Variants in MIGA2 observed in about 807,000 individuals in gnomAD.
MIGA2 encodes the protein family with sequence similarity 73, member B.
In MIGA2, 36 loss-of-function variants were observed where a neutral mutation model predicts 69.9. That is an observed-to-expected ratio of 0.52 (90% CI 0.39 to 0.68). The LOEUF (loss-of-function observed/expected upper bound fraction) is 0.68, where lower values mean the gene tolerates loss of function less well. Among genes scored for constraint, MIGA2 ranks in the 30% least tolerant of loss-of-function variants. MIGA2 has a pLI of 0.00. For synonymous variants in MIGA2, 333 were observed against 349.2 expected, an observed-to-expected ratio of 0.95 and a Z score of 0.52; for missense variants, 660 against 787.7, an observed-to-expected ratio of 0.84 and a Z score of 1.94.
At chr9:129,068,000 G>A (rs1004219906) in intron 12 of MIGA2, 129 bp downstream of exon 12, 11 of 1,279,474 alleles carry the variant, frequency 8.6e-6, no homozygotes, top group East Asian at 2.5e-5. Flanking sequence ...CATAGTCCCC[G>A]GTTCCTGCCC....
In MIGA2 at chr9:129,056,298, C is replaced by T. The variant is rs147832989; in HGVS notation, c.676-2856C>T. Among the ~76,000 whole-genome samples the T allele has an allele frequency of 1.2e-3, 187 of 150,336 alleles. 4 individuals are homozygous for T. The East Asian group carries it at 0.022, about 17-fold the overall frequency. ...CTCTAGAGCCACAGACACCTGTATT[C>T]AGTTTGTGGCACCACTAGTTCTACA... On this transcript the variant is annotated intron_variant, in intron 6 of 15. Transcript: ENST00000684074.
chr9:129,037,041 T>C, intron 1 of MIGA2: 3 of 1,001,086 alleles, frequency 3.0e-6, no homozygotes, highest in Non-Finnish European at 3.6e-6. Context: ...TATTCCGGGG[T>C]GGGGGCAAGA....
At chr9:129,053,280 C>G (rs1210887267) in intron 6 of MIGA2, among the ~76,000 whole-genome samples, 1 of 152,142 alleles carries the variant, frequency 6.6e-6, no homozygotes, top group African/African-American at 2.4e-5. Context: ...TACAACCTTA[C>G]AATCCTACAA....
chr9:129,049,469 A>G lies in MIGA2; in HGVS notation c.509A>G (p.Asp170Gly). The change falls in exon 5 of 16, where the codon GAC (aspartate) becomes GGC (glycine). Residue 170 changes from aspartate to glycine, a missense_variant. By Grantham distance (94) the Asp-to-Gly change is moderately conservative. Transcript: ENST00000684074. Reference sequence around the variant, plus strand: ...ATGGAGGAGTCTCTGACCACCAGCGACGGCAATGCAGAGAGCCTGTACATG... The same window carrying G: ...ATGGAGGAGTCTCTGACCACCAGCGGCGGCAATGCAGAGAGCCTGTACATG... ...RGMEESLTTS[D>G]GNAESLYMQG... The G allele has an allele frequency of 6.2e-7, 1 of 1,613,600 alleles. No homozygotes were observed. The highest frequency in any genetic ancestry group is 2.2e-5 in the East Asian group (1 of 44,874).
rs1352521422 is a variant in MIGA2 at position 129,042,341 on chromosome 9, G to A, written c.134G>A (p.Arg45Gln). ...FSQLRLTPGL[R>Q]KVLFATALGT... The stretch of plus-strand genomic sequence containing the variant: ...CAGCTACGGTTGACGCCAGGCCTGC[G>A]GAAAGTCCTCTTTGCCACGGCCCTG... Residue 45 changes from arginine to glutamine, a missense_variant, in exon 3 of 16, where the codon CGG (arginine) becomes CAG (glutamine). Transcript: ENST00000684074. 6 of 1,612,890 alleles carry A rather than the reference G, an allele frequency of 3.7e-6. No homozygotes were observed. The highest frequency in any genetic ancestry group is 5.1e-6 in the Non-Finnish European group (6 of 1,180,030).
In MIGA2 at chr9:129,068,466, T is replaced by A; in HGVS notation, c.1404+134T>A. On this transcript the variant is annotated intron_variant, in intron 13 of 15. Transcript: ENST00000684074. The surrounding 1 kb of genome is among the most constrained non-coding windows in gnomAD (Gnocchi z 4.1). Reference sequence around the variant, plus strand: ...CCCCTAGATCCGCGGCTGCCAGGCCTGGGAGACCAGAGTCTGCCCTGGAGA... The same window carrying A: ...CCCCTAGATCCGCGGCTGCCAGGCCAGGGAGACCAGAGTCTGCCCTGGAGA... 1 of 1,290,646 alleles carries A rather than the reference T, an allele frequency of 7.7e-7. No homozygotes were observed. Among genetic ancestry groups the A allele is most frequent in the East Asian group, 2.5e-5 (1 of 39,386 alleles). 79.9% of individuals were successfully genotyped at this position (1,290,646 alleles called of 1,614,324 possible).
chr9:129,069,658 G>T lies in MIGA2; in HGVS notation c.1459-191G>T. On this transcript the variant is annotated intron_variant, in intron 14 of 15. Coordinates refer to ENST00000684074, the MANE Select transcript of MIGA2 (RefSeq NM_001329990.2). The surrounding 1 kb of genome is among the most constrained non-coding windows in gnomAD (Gnocchi z 4.9). Reference sequence around the variant, plus strand: ...CCCCACCTCTTGCAGTACTCACAGCGGCCCATGGTTACCCTGTCTGCAGAA... The same window carrying T: ...CCCCACCTCTTGCAGTACTCACAGCTGCCCATGGTTACCCTGTCTGCAGAA... The T allele has an allele frequency of 1.6e-6, 1 of 617,500 alleles. No homozygotes were observed. Among genetic ancestry groups the T allele is most frequent in the South Asian group, 1.8e-5 (1 of 55,098 alleles). The allele number at this position is 617,500 out of a possible 1,614,324, so 38.3% of individuals were successfully genotyped here.
rs1846079019 is a variant in MIGA2 at position 129,061,772 on chromosome 9, CAG to C, written c.1010+427_1010+428del. Among the ~76,000 whole-genome samples, 1 of 152,172 alleles carries C rather than the reference CAG, an allele frequency of 6.6e-6. No individual in the cohort carries two copies. Among genetic ancestry groups the C allele is most frequent in the African/African-American group, 2.4e-5 (1 of 41,446 alleles). On this transcript the variant is annotated intron_variant, in intron 9 of 15. Transcript: ENST00000684074. The surrounding 1 kb of genome is among the most constrained non-coding windows in gnomAD (Gnocchi z 5.0). ...CTCAGCGGGTACAGCCACAGCCACA[CAG>C]GGGGCACTGGTCCTAAGCGCAGTGT...
Position 129,060,612 on chromosome 9 carries a change from AG to A in MIGA2, c.857del (p.Ser286ThrfsTer2). ...GCGGCTGCGGGCGGACGATGAGGACAGCCTGACTTCAGAGGATTCCTTCTTC... is the reference window on the plus strand; with the variant it reads ...GCGGCTGCGGGCGGACGATGAGGACACCTGACTTCAGAGGATTCCTTCTTC... Reference protein sequence around the residue: ...SLRLRADDEDSLTSEDSFFSA... With the variant: ...SLRLRADDEDXLTSEDSFFSA... On this transcript the variant is annotated frameshift_variant, in exon 8 of 16. Transcript: ENST00000684074. LOFTEE classifies it high-confidence loss of function. The surrounding 1 kb of genome is among the most constrained non-coding windows in gnomAD (Gnocchi z 4.8). 1 of 1,605,134 alleles carries A rather than the reference AG, an allele frequency of 6.2e-7. No individual in the cohort carries two copies. The highest frequency in any genetic ancestry group is 8.5e-7 in the Non-Finnish European group (1 of 1,176,002).
intron 6 of MIGA2, among the ~76,000 whole-genome samples, chr9:129,057,517 T>C (rs372813966): frequency 5.1e-4 from 77 of 152,052 alleles, no homozygotes; most frequent in African/African-American, 1.7e-3. Context: ...GGTCTCGATC[T>C]CCTGACCTCG....
Position 129,058,441 on chromosome 9 carries a change from A to G in MIGA2, c.676-713A>G, listed in dbSNP as rs969203221. On this transcript the variant is annotated intron_variant, in intron 6 of 15. Coordinates refer to ENST00000684074, the MANE Select transcript of MIGA2 (RefSeq NM_001329990.2). ...AAAAAGTTTTTTATGTAGATTTTCAACTATGTGGGCACAGGGGTGAGTCAG... is the reference window on the plus strand; with the variant it reads ...AAAAAGTTTTTTATGTAGATTTTCAGCTATGTGGGCACAGGGGTGAGTCAG... Among the ~76,000 whole-genome samples, 5 of 150,880 alleles carry G rather than the reference A, an allele frequency of 3.3e-5. No individual in the cohort carries two copies. In the South Asian group the frequency reaches 8.3e-4, roughly 25 times the overall value.
chr9:129,049,239 C>A, intron 4 of MIGA2, 142 bp from the exon 5 acceptor site: 1 of 738,868 alleles, frequency 1.4e-6, no homozygotes, highest in Non-Finnish European at 2.3e-6. Context: ...AGGGTGTGGA[C>A]GCTGTGGCTA....
chr9:129,042,238 G>A, intron 2 of MIGA2, 66 bp from the exon 3 acceptor site: 1 of 1,532,558 alleles, frequency 6.5e-7, no homozygotes, highest in Non-Finnish European at 9.0e-7. Flanking sequence ...GGTGCTCTGG[G>A]GCGGTCCTGC....
chr9:129,060,409 A>C lies in MIGA2; in HGVS notation c.794-141A>C. The C allele has an allele frequency of 4.0e-5, 27 of 674,480 alleles. No homozygotes were observed. The highest frequency in any genetic ancestry group is 8.6e-5 in the East Asian group (3 of 35,044). 41.8% of individuals were successfully genotyped at this position (674,480 alleles called of 1,614,324 possible). On this transcript the variant is annotated intron_variant, in intron 7 of 15. Transcript: ENST00000684074. This position sits in a 1 kb window ranked among gnomAD's most constrained non-coding sequence, Gnocchi z 4.8. ...CTCACACAGAAGCGCTTGGCACGTC[A>C]GAGCTTTGCCATTGAGTGTGGGAAT...
intron 6 of MIGA2, among the ~76,000 whole-genome samples, chr9:129,056,621 C>T (rs893002252): frequency 1.4e-4 from 22 of 151,856 alleles, no homozygotes; most frequent in Admixed American, 1.4e-3. Flanking sequence ...TGGGTTCAAG[C>T]GATTCTCCTG....
Position 129,069,989 on chromosome 9 carries a change from C to T in MIGA2, c.1575+24C>T. 1 of 1,547,208 alleles carries T rather than the reference C, an allele frequency of 6.5e-7. No homozygotes were observed. The highest frequency in any genetic ancestry group is 8.8e-7 in the Non-Finnish European group (1 of 1,136,840). On this transcript the variant is annotated intron_variant, in intron 15 of 15. Transcript: ENST00000684074. The surrounding 1 kb of genome is among the most constrained non-coding windows in gnomAD (Gnocchi z 4.9). Reference sequence around the variant, plus strand: ...AGGTAAACAGAGAGCAGTTCTCGTTCTTTCCTGACCCTTGCCCTGAGCACA... The same window carrying T: ...AGGTAAACAGAGAGCAGTTCTCGTTTTTTCCTGACCCTTGCCCTGAGCACA...
At position 129,061,403 on chromosome 9, in the gene MIGA2, C is replaced by T. The variant is rs1308573479; in HGVS notation, c.1010+57C>T. 7 of 1,490,894 alleles carry T rather than the reference C, an allele frequency of 4.7e-6. No homozygotes were observed. The highest frequency in any genetic ancestry group is 5.5e-6 in the Non-Finnish European group (6 of 1,092,938). The allele number at this position is 1,490,894 out of a possible 1,614,324, so 92.4% of individuals were successfully genotyped here. A position where few individuals can be genotyped will look rare whatever the true frequency, so the allele number is the denominator to read the frequency against. ...GCAGGAGGCGATGGGTGATTCTGGC[C>T]CTTGCGGGAGGCGGAGAAGCCAGCG... On this transcript the variant is annotated intron_variant, in intron 9 of 15. Transcript: ENST00000684074. The surrounding 1 kb of genome is among the most constrained non-coding windows in gnomAD (Gnocchi z 5.0).
Position 129,067,839 on chromosome 9 carries a change from G to A in MIGA2, c.1237G>A (p.Ala413Thr). 1 of 1,613,108 alleles carries A rather than the reference G, an allele frequency of 6.2e-7. No individual in the cohort carries two copies. Among genetic ancestry groups the A allele is most frequent in the Non-Finnish European group, 8.5e-7 (1 of 1,179,840 alleles). The change falls in exon 12 of 16, where the codon GCC becomes ACC. Residue 413 changes from alanine (A) to threonine (T), a missense_variant. This residue lies in a region of MIGA2 where 220 missense variants were observed against 301.7 expected (regional missense o/e 0.73). Coordinates refer to ENST00000684074, the MANE Select transcript of MIGA2 (RefSeq NM_001329990.2). ...LSYALRPETWATTRLELEGRG... is the reference protein window; with the variant it reads ...LSYALRPETWTTTRLELEGRG... Reference sequence around the variant, plus strand: ...CTATGCCCTGCGGCCCGAGACCTGGGCCACAACACGGCTGGAGCTGGAGGG... The same window carrying A: ...CTATGCCCTGCGGCCCGAGACCTGGACCACAACACGGCTGGAGCTGGAGGG...
rs1288457866 is a variant in MIGA2 at position 129,069,182 on chromosome 9, G to T, written c.1458+53G>T. ...ACGAGCTGGGCTCTGAGGCAGCGTG[G>T]TGGGGAGCGGAGCGGGTGCAGGGTG... On this transcript the variant is annotated intron_variant, in intron 14 of 15. Coordinates refer to ENST00000684074, the MANE Select transcript of MIGA2 (RefSeq NM_001329990.2). This position sits in a 1 kb window ranked among gnomAD's most constrained non-coding sequence, Gnocchi z 4.9. The T allele has an allele frequency of 6.2e-7, 1 of 1,610,332 alleles. No individual in the cohort carries two copies. Among genetic ancestry groups the T allele is most frequent in the African/African-American group, 1.3e-5 (1 of 74,880 alleles).
Sources: gnomAD v4.1 joint callset for allele counts (sites outside exome capture counted in the v4.1 genomes callset) on GRCh38, gnomAD v4.1.1 for gene constraint, gnomAD v4.1.1 regional missense constraint, Gnocchi (gnomAD v3.1) non-coding constraint, MANE v1.5 for transcripts, NCBI Gene and HGNC (gene_info 2026-07-23, HGNC 2026-07-21) for gene names.